NF1: variants seen among roughly 807,000 people sequenced by gnomAD.
NF1 encodes the protein neurofibromin.
NF1 carries 122 observed loss-of-function variants against 325.7 expected under a neutral mutation model. That is an observed-to-expected ratio of 0.37 (90% CI 0.32 to 0.44). The LOEUF (loss-of-function observed/expected upper bound fraction) is 0.44. NF1 is among the 20% of genes least tolerant of loss of function. NF1 has a pLI of 1.00. For missense variants in NF1, 2,140 were observed against 3,415.4 expected (o/e 0.63, Z 9.31); for synonymous variants, 1,091 against 1,186.0 (o/e 0.92, Z 1.65).
At chr17:31,327,443 T>G (rs2069372930) in intron 37 of NF1, 56 bp from the exon 38 acceptor site, 3 of 1,410,648 alleles carry the variant, frequency 2.1e-6, no homozygotes, top group African/African-American at 2.8e-5. Context: ...CTTTTAGAAT[T>G]TTATGTAAAA....
At chr17:31,200,633 A>C (rs2066511631) in intron 9 of NF1, 38 bp downstream of exon 9, 2 of 1,599,400 alleles carry the variant, frequency 1.3e-6, no homozygotes, top group East Asian at 4.5e-5. Context: ...AAACTTTAAG[A>C]AAATTAAATG....
At chr17:31,131,523 C>CT (rs1417207511) in intron 1 of NF1, among the ~76,000 whole-genome samples, 2 of 152,206 alleles carry the variant, frequency 1.3e-5, no homozygotes, top group Non-Finnish European at 2.9e-5. Flanking sequence ...TGAAGATCTG[C>CT]TAAGAGTGTG....
intron 51 of NF1, among the ~76,000 whole-genome samples, chr17:31,354,637 T>C (rs1030548384): frequency 6.6e-6 from 1 of 152,196 alleles, no homozygotes; most frequent in African/African-American, 2.4e-5. Context: ...AAAATTGATA[T>C]AGCAGTCCAA....
At chr17:31,338,673 A>C in intron 45 of NF1, 31 bp from the exon 46 acceptor site, 17 of 1,381,850 alleles carry the variant, frequency 1.2e-5, no homozygotes, top group Non-Finnish European at 1.8e-5. Flanking sequence ...TTTCAATGAA[A>C]GTAAAATAAA....
At chr17:31,319,228 T>C (rs1023526310) in intron 36 of NF1, among the ~76,000 whole-genome samples, 9 of 152,230 alleles carry the variant, frequency 5.9e-5, no homozygotes, top group African/African-American at 1.9e-4. Context: ...ATTAACACTT[T>C]TAGATGCTAG....
intron 1 of NF1, among the ~76,000 whole-genome samples, chr17:31,153,875 A>G (rs1348394837): frequency 1.3e-5 from 2 of 151,722 alleles, no homozygotes; most frequent in East Asian, 1.9e-4. Flanking sequence ...CAGCCTCTCA[A>G]AGTGCTGGGA....
At chr17:31,313,953 A>T in intron 36 of NF1, 1 of 397,898 alleles carries the variant, frequency 2.5e-6, no homozygotes, top group Non-Finnish European at 4.4e-6. Context: ...GCAAGATCAA[A>T]CCAAATTGTG....
At chr17:31,115,765 C>T (rs1038869615) in intron 1 of NF1, among the ~76,000 whole-genome samples, 7 of 152,110 alleles carry the variant, frequency 4.6e-5, no homozygotes, top group Non-Finnish European at 7.4e-5. Flanking sequence ...AACAAGGTGT[C>T]GCCCATGTCC....
At position 31,223,462 on chromosome 17, in the gene NF1, C is replaced by T. The variant is rs786202554; in HGVS notation, c.1740C>T (p.Tyr580=). ...FWEISSQMLF[Y]ICKKLTSHQM... Reference sequence around the variant, plus strand: ...ACTGCAGCTCACAAATGCTTTTTTACATCTGCAAGAAATTAACTAGTCATC... The same window carrying T: ...ACTGCAGCTCACAAATGCTTTTTTATATCTGCAAGAAATTAACTAGTCATC... The change falls in exon 16 of 58, where the codon TAC becomes TAT. Residue 580 remains tyrosine, a synonymous_variant. Coordinates refer to ENST00000358273, the MANE Select transcript of NF1 (RefSeq NM_001042492.3). 2 of 1,612,490 alleles carry T rather than the reference C, an allele frequency of 1.2e-6. No individual in the cohort carries two copies. The highest frequency in any genetic ancestry group is 1.7e-6 in the Non-Finnish European group (2 of 1,179,130).
intron 20 of NF1, among the ~76,000 whole-genome samples, chr17:31,228,676 C>T (rs2067058330): frequency 6.6e-6 from 1 of 152,100 alleles, no homozygotes; most frequent in South Asian, 2.1e-4. Context: ...AATCTACTTT[C>T]TGTCTTTGTA....
intron 57 of NF1, among the ~76,000 whole-genome samples, chr17:31,371,242 C>T (rs2070631913): frequency 6.6e-6 from 1 of 152,082 alleles, no homozygotes; most frequent in Admixed American, 6.6e-5. Flanking sequence ...TTACCCTTCT[C>T]AGTGCCTTTA....
Position 31,197,312 on chromosome 17 carries a change from C to T in NF1, c.889-3110C>T, listed in dbSNP as rs111326410. Among the ~76,000 whole-genome samples, 1,201 of 146,462 alleles carry T rather than the reference C, an allele frequency of 8.2e-3. 25 individuals carry two copies. The highest frequency in any genetic ancestry group is 0.029 in the African/African-American group (1,145 of 39,786). On this transcript the variant is annotated intron_variant, in intron 8 of 57. Coordinates refer to ENST00000358273, the MANE Select transcript of NF1 (RefSeq NM_001042492.3). ...CTGCCCGCCTCGACCTCCCAAAGTG[C>T]TGGGATTACAGGCGTGAGCCACCGC...
chr17:31,305,016 G>T (rs2068673640), intron 36 of NF1: 1 of 1,613,920 alleles, frequency 6.2e-7, no homozygotes, highest in Non-Finnish European at 8.5e-7. Context: ...AATTATAATT[G>T]TTTTTTTGTG....
rs191675216 is a variant in NF1 at position 31,370,702 on chromosome 17, C to T, written c.8378-3311C>T. Among the ~76,000 whole-genome samples the T allele has an allele frequency of 2.1e-3, 321 of 152,194 alleles. 1 individual carries two copies. The highest frequency in any genetic ancestry group is 7.3e-3 in the African/African-American group (304 of 41,514). ...TGCCACCCATGTCATGACTGTTTTC[C>T]CCTCAGAGTAGGCCATGGTCTAGTA... On this transcript the variant is annotated intron_variant, in intron 57 of 57. Transcript: ENST00000358273.
chr17:31,340,441 T>C, intron 46 of NF1, 64 bp from the exon 47 acceptor site: 5 of 1,602,322 alleles, frequency 3.1e-6, no homozygotes, highest in Middle Eastern at 1.7e-4. Context: ...TTAACTGCAG[T>C]GTGTTTTGAA....
At chr17:31,297,464 C>G (rs2068491385) in intron 36 of NF1, 2 of 152,178 alleles carry the variant, frequency 1.3e-5, no homozygotes, top group African/African-American at 2.4e-5. Flanking sequence ...ATACCTTATG[C>G]ATGAGAGTTG....
intron 1 of NF1, among the ~76,000 whole-genome samples, chr17:31,117,523 A>T (rs111596100): frequency 6.6e-6 from 1 of 150,958 alleles, no homozygotes; most frequent in African/African-American, 2.4e-5. Flanking sequence ...TACAAAAAAA[A>T]TTAGCTGGGC....
chr17:31,357,754 G>T (rs1335849174), intron 54 of NF1: 1 of 271,144 alleles, frequency 3.7e-6, no homozygotes, highest in Admixed American at 5.0e-5. Context: ...TGTTTAGGAG[G>T]TGAATTGTTT....
At position 31,253,025 on chromosome 17, in the gene NF1, G is replaced by A. The variant is rs756300767; in HGVS notation, c.4173+25G>A. 2.5e-6 allele frequency: 4 copies of A among 1,585,996 alleles called. No individual in the cohort carries two copies. In the South Asian group the frequency reaches 4.4e-5, roughly 18 times the overall value. ...AGTAAGTTTGGAGAACTTTTTATTAGCTGTTTCTTTCAAAGCAAAACAAAA... is the reference window on the plus strand; with the variant it reads ...AGTAAGTTTGGAGAACTTTTTATTAACTGTTTCTTTCAAAGCAAAACAAAA... On this transcript the variant is annotated intron_variant, in intron 31 of 57. Transcript: ENST00000358273.
Sources: gnomAD v4.1 joint callset for allele counts (sites outside exome capture counted in the v4.1 genomes callset) on GRCh38, gnomAD v4.1.1 for gene constraint, MANE v1.5 for transcripts, NCBI Gene and HGNC (gene_info 2026-07-23, HGNC 2026-07-21) for gene names.